Variants in HEMK2 observed in about 807,000 individuals in gnomAD.
The protein encoded by HEMK2 is HemK methyltransferase 2, ETF1 glutamine and histone H4 lysine.
the HEMK2 span, among the ~76,000 whole-genome samples, chr21:28,744,755 T>C: frequency 6.6e-6 from 1 of 152,324 alleles, no homozygotes; most frequent in South Asian, 2.1e-4. Context: ...AGAGAGCTAT[T>C]TTAGATAAAC....
chr21:28,770,279 T>C, the HEMK2 span, among the ~76,000 whole-genome samples: 2 of 152,106 alleles, frequency 1.3e-5, no homozygotes, highest in Admixed American at 1.3e-4. Context: ...GAAGAAACCC[T>C]TTCCTTTAGG....
At chr21:28,831,590 G>A in the HEMK2 span, among the ~76,000 whole-genome samples, 96 of 60,390 alleles carry the variant, frequency 1.6e-3, 2 homozygotes, top group East Asian at 6.2e-3. Context: ...AAGGAAAGAA[G>A]GAAAGAAGGA....
chr21:28,699,747 A>G, the HEMK2 span, among the ~76,000 whole-genome samples: 2 of 152,324 alleles, frequency 1.3e-5, no homozygotes, highest in African/African-American at 4.8e-5. Context: ...TGCAAGCACA[A>G]ACATGTCTGT....
chr21:28,842,705 G>A, the HEMK2 span, among the ~76,000 whole-genome samples: 1 of 152,154 alleles, frequency 6.6e-6, no homozygotes, highest in Non-Finnish European at 1.5e-5. Flanking sequence ...GCTAGTGCTA[G>A]TAGTCGCATT....
chr21:28,589,280 T>C, the HEMK2 span, among the ~76,000 whole-genome samples: 1 of 152,114 alleles, frequency 6.6e-6, no homozygotes, highest in African/African-American at 2.4e-5. Context: ...TAGAACTGTA[T>C]AGCACAGAAT....
the HEMK2 span, among the ~76,000 whole-genome samples, chr21:28,685,416 C>G: frequency 1.3e-5 from 2 of 152,130 alleles, no homozygotes; most frequent in African/African-American, 4.8e-5. Context: ...CAGAAAGTCA[C>G]AAAGAGCCAC....
chr21:28,834,136 A>G, the HEMK2 span, among the ~76,000 whole-genome samples: 1 of 152,136 alleles, frequency 6.6e-6, no homozygotes, highest in Non-Finnish European at 1.5e-5. Flanking sequence ...AAAACCCTAG[A>G]CTCGCTCAAT....
the HEMK2 span, among the ~76,000 whole-genome samples, chr21:28,843,219 T>A: frequency 6.6e-6 from 1 of 152,144 alleles, no homozygotes; most frequent in Non-Finnish European, 1.5e-5. Flanking sequence ...ATAAAGATAG[T>A]ACCTGAGACT....
At chr21:28,826,814 G>A in the HEMK2 span, among the ~76,000 whole-genome samples, 312 of 152,256 alleles carry the variant, frequency 2.0e-3, 2 homozygotes, top group African/African-American at 7.1e-3. Context: ...AACTTTAGCC[G>A]CAGTGAATTG....
chr21:28,830,961 T>A, the HEMK2 span, among the ~76,000 whole-genome samples: 1 of 151,918 alleles, frequency 6.6e-6, no homozygotes, highest in East Asian at 1.9e-4. Context: ...ATTCTATCCA[T>A]CTGTAGAAAA....
chr21:28,659,793 C>A, the HEMK2 span, among the ~76,000 whole-genome samples: 1 of 151,984 alleles, frequency 6.6e-6, no homozygotes, highest in Admixed American at 6.6e-5. Context: ...ATTGCCTGGG[C>A]TATCTTTGGT....
chr21:28,727,075 T>C, the HEMK2 span, among the ~76,000 whole-genome samples: 1 of 151,888 alleles, frequency 6.6e-6, no homozygotes, highest in Middle Eastern at 3.2e-3. Context: ...AGGATGGAAG[T>C]AGGAACATGA....
At chr21:28,876,474 T>C in the HEMK2 span, 8 of 1,604,580 alleles carry the variant, frequency 5.0e-6, no homozygotes, top group South Asian at 4.5e-5. Flanking sequence ...TTTGTCTTCA[T>C]TATTTTCAAA....
chr21:28,773,133 T>C, the HEMK2 span, among the ~76,000 whole-genome samples: 2 of 152,274 alleles, frequency 1.3e-5, no homozygotes, highest in African/African-American at 4.8e-5. Flanking sequence ...CTTAATTTTG[T>C]TTCCATTGGT....
the HEMK2 span, among the ~76,000 whole-genome samples, chr21:28,631,071 C>G: frequency 1.3e-5 from 2 of 152,106 alleles, no homozygotes; most frequent in Non-Finnish European, 2.9e-5. Context: ...CTCTCACCAA[C>G]TTCAATGGGG....
the HEMK2 span, among the ~76,000 whole-genome samples, chr21:28,802,985 C>T: frequency 6.6e-6 from 1 of 152,118 alleles, no homozygotes; most frequent in African/African-American, 2.4e-5. Context: ...TTGTTATAAA[C>T]TTTTTAAGAA....
At chr21:28,677,841 G>C in the HEMK2 span, among the ~76,000 whole-genome samples, 1 of 151,980 alleles carries the variant, frequency 6.6e-6, no homozygotes, top group Non-Finnish European at 1.5e-5. Context: ...AGGGTCCTGA[G>C]TGTTAGAAGG....
chr21:28,875,211 C>T, the HEMK2 span: 27,100 of 152,240 alleles, frequency 0.18, 2,505 homozygotes, highest in South Asian at 0.23. Flanking sequence ...GTGTATACCA[C>T]TTCCATCTGA....
At chr21:28,669,165 C>G in the HEMK2 span, among the ~76,000 whole-genome samples, 2 of 152,132 alleles carry the variant, frequency 1.3e-5, no homozygotes, top group African/African-American at 4.8e-5. Flanking sequence ...TTGAGACCAT[C>G]CTGGTCAACA....
Sources: allele counts gnomAD v4.1 joint callset (sites outside exome capture counted in the v4.1 genomes callset), GRCh38; gene constraint gnomAD v4.1.1; transcripts MANE v1.5; gene names NCBI Gene and HGNC (gene_info 2026-07-23, HGNC 2026-07-21).